The following CAST variants were observed in gnomAD, a reference collection of about 807,000 sequenced individuals.
The protein encoded by CAST is calpastatin.
CAST carries 76 observed loss-of-function variants against 119.6 expected under a neutral mutation model. The ratio of observed to expected loss-of-function variants is 0.64; its 90% CI spans 0.53 to 0.77. The LOEUF (loss-of-function observed/expected upper bound fraction) is 0.77, where lower values mean the gene tolerates loss of function less well. Among genes scored for constraint, CAST ranks in the 30% least tolerant of loss-of-function variants. The pLI is 0.00. For missense variants in CAST, 953 were observed against 946.5 expected (o/e 1.01, Z -0.09); for synonymous variants, 319 against 331.6 (o/e 0.96, Z 0.41).
chr5:96,768,198 C>G (rs1770750436), intron 29 of CAST, among the ~76,000 whole-genome samples, 199 bp downstream of exon 29: 1 of 152,140 alleles, frequency 6.6e-6, no homozygotes, highest in Non-Finnish European at 1.5e-5. Context: ...ATCCTCCTAC[C>G]TTAGCTTCCT....
At chr5:95,991,812 A>G in the CAST span, among the ~76,000 whole-genome samples, 1 of 152,102 alleles carries the variant, frequency 6.6e-6, no homozygotes, top group Admixed American at 6.6e-5. Context: ...GGCCAACAAT[A>G]TATTTTATAT....
At chr5:96,670,389 A>G (rs1362495355) in intron 1 of CAST, among the ~76,000 whole-genome samples, 1 of 152,226 alleles carries the variant, frequency 6.6e-6, no homozygotes, top group Admixed American at 6.5e-5. Flanking sequence ...AAGCAAAGGC[A>G]TTTCAGAAGC....
At chr5:96,474,272 C>T in the CAST span, among the ~76,000 whole-genome samples, 2 of 152,124 alleles carry the variant, frequency 1.3e-5, no homozygotes, top group Admixed American at 1.3e-4. Context: ...GCCACCACAG[C>T]TAAGCACTGA....
the CAST span, among the ~76,000 whole-genome samples, chr5:96,465,504 C>T: frequency 6.6e-6 from 1 of 152,040 alleles, no homozygotes; most frequent in African/African-American, 2.4e-5. Flanking sequence ...TTTTTATTCG[C>T]CAAATTCTTT....
the CAST span, among the ~76,000 whole-genome samples, chr5:96,157,841 G>T: frequency 6.6e-6 from 1 of 152,168 alleles, no homozygotes. Flanking sequence ...CATACCATAA[G>T]CTGATTATGT....
the CAST span, among the ~76,000 whole-genome samples, chr5:96,314,680 A>G: frequency 1.3e-5 from 2 of 152,274 alleles, no homozygotes; most frequent in Admixed American, 1.3e-4. Context: ...TATGATGTCA[A>G]ATTCCCTAAG....
intron 3 of CAST, among the ~76,000 whole-genome samples, chr5:96,717,734 C>T (rs1309012661): frequency 1.3e-5 from 2 of 152,092 alleles, no homozygotes; most frequent in Admixed American, 6.5e-5. Context: ...ATGGTAAGGA[C>T]ACCTTCATGG....
chr5:96,085,809 G>T, the CAST span, among the ~76,000 whole-genome samples: 1 of 152,190 alleles, frequency 6.6e-6, no homozygotes, highest in Non-Finnish European at 1.5e-5. Flanking sequence ...ATCAGCTACC[G>T]ACTTTTTAGT....
the CAST span, chr5:96,397,344 T>C: frequency 1.2e-6 from 2 of 1,613,216 alleles, no homozygotes; most frequent in Non-Finnish European, 1.7e-6. Flanking sequence ...ACCATGTCTG[T>C]AATTCTCAAA....
At chr5:96,649,853 T>A (rs1460856554) in intron 1 of CAST, among the ~76,000 whole-genome samples, 1 of 152,218 alleles carries the variant, frequency 6.6e-6, no homozygotes. Context: ...GATTAGTCAA[T>A]CCTTGGTGTA....
the CAST span, among the ~76,000 whole-genome samples, chr5:96,248,413 C>T: frequency 5.2e-4 from 79 of 152,274 alleles, no homozygotes; most frequent in African/African-American, 1.8e-3. Context: ...GGAGATGAAA[C>T]GTGTGCCATA....
At chr5:96,534,126 A>C (rs1055013421) in intron 1 of CAST, among the ~76,000 whole-genome samples, 2 of 152,208 alleles carry the variant, frequency 1.3e-5, no homozygotes, top group Non-Finnish European at 2.9e-5. Context: ...TGATGAGCTC[A>C]GTAGTAATAG....
chr5:95,982,240 C>A, the CAST span, among the ~76,000 whole-genome samples: 1 of 152,092 alleles, frequency 6.6e-6, no homozygotes, highest in South Asian at 2.1e-4. Flanking sequence ...TCACTCCCCT[C>A]TGGGATCCAA....
the CAST span, among the ~76,000 whole-genome samples, chr5:96,079,548 T>C: frequency 6.6e-6 from 1 of 152,218 alleles, no homozygotes; most frequent in Non-Finnish European, 1.5e-5. Context: ...TATTTGTATA[T>C]GGTAAAAAGT....
At chr5:96,015,904 TGACTATA>T in the CAST span, among the ~76,000 whole-genome samples, 2 of 152,186 alleles carry the variant, frequency 1.3e-5, no homozygotes, top group Non-Finnish European at 2.9e-5. Flanking sequence ...TGTGTCAATT[TGACTATA>T]GACTATAGTC....
At chr5:96,591,771 C>T (rs1746965887) in intron 1 of CAST, among the ~76,000 whole-genome samples, 1 of 152,104 alleles carries the variant, frequency 6.6e-6, no homozygotes, top group African/African-American at 2.4e-5. Flanking sequence ...ATAAATAAGT[C>T]ATTGGTGGAG....
chr5:96,728,525 G>A (rs971495389), intron 6 of CAST: 5 of 150,936 alleles, frequency 3.3e-5, no homozygotes, highest in African/African-American at 1.2e-4. Context: ...CGCCCAGGCT[G>A]GAGTGCAGTG....
the CAST span, among the ~76,000 whole-genome samples, chr5:96,167,076 T>C: frequency 1.2e-4 from 18 of 152,122 alleles, no homozygotes; most frequent in Non-Finnish European, 2.4e-4. Context: ...TACGGTTTTG[T>C]ATGAATTGAA....
chr5:96,418,532 T>C, the CAST span, among the ~76,000 whole-genome samples: 1 of 152,208 alleles, frequency 6.6e-6, no homozygotes, highest in African/African-American at 2.4e-5. Context: ...TCTTTTGACT[T>C]TCAGAGTAGC....
Sources: allele counts gnomAD v4.1 joint callset (sites outside exome capture counted in the v4.1 genomes callset), GRCh38; gene constraint gnomAD v4.1.1; transcripts MANE v1.5; gene names NCBI Gene and HGNC (gene_info 2026-07-23, HGNC 2026-07-21).